FMNL2: variants seen among roughly 807,000 people sequenced by gnomAD.
The protein encoded by FMNL2 is formin like 2.
A neutral mutation model predicts 130.2 loss-of-function variants in FMNL2; 51 were observed. That is an observed-to-expected ratio of 0.39 (90% confidence interval 0.31 to 0.49). The LOEUF is 0.49. Ranked by LOEUF, FMNL2 falls within the 20% of genes least tolerant of loss-of-function variation. The pLI, the probability that FMNL2 is intolerant of heterozygous loss-of-function variation, is 0.85. For missense variants in FMNL2, 977 were observed against 1,316.2 expected (o/e 0.74, Z 3.99); for synonymous variants, 465 against 467.1 (o/e 1.00, Z 0.06).
intron 1 of FMNL2, among the ~76,000 whole-genome samples, chr2:152,488,057 G>A (rs878873804): frequency 6.6e-6 from 1 of 152,180 alleles, no homozygotes; most frequent in East Asian, 1.9e-4. Context: ...TGGGATTACA[G>A]GTGTGAGCCA....
In FMNL2 at chr2:152,417,511, G is replaced by A. The variant is rs370395847; in HGVS notation, c.117+81791G>A. Among the ~76,000 whole-genome samples the A allele has an allele frequency of 3.0e-4, 45 of 152,314 alleles. No individual in the cohort carries two copies. In the South Asian group the frequency reaches 9.3e-3, roughly 32 times the overall value. ...CAGGAAATAGTCTAGGGCATTGCAA[G>A]GTTGGATTTGCTTACATTGAGGTGT... On this transcript the variant is annotated intron_variant, in intron 1 of 25. Transcript: ENST00000288670.
intron 1 of FMNL2, among the ~76,000 whole-genome samples, chr2:152,347,303 G>A (rs554773024): frequency 6.6e-6 from 1 of 152,222 alleles, no homozygotes; most frequent in South Asian, 2.1e-4. Flanking sequence ...CTTGTGGTCT[G>A]ACTCCAAGTG....
At chr2:152,433,306 GC>G (rs1226532379) in intron 1 of FMNL2, among the ~76,000 whole-genome samples, 4 of 152,188 alleles carry the variant, frequency 2.6e-5, no homozygotes, top group Non-Finnish European at 1.5e-5. Context: ...ATAACAGTAT[GC>G]AAGAGTGTAG....
chr2:152,627,442 A>C (rs1465975126), intron 17 of FMNL2, among the ~76,000 whole-genome samples: 5 of 152,200 alleles, frequency 3.3e-5, no homozygotes, highest in African/African-American at 7.2e-5. Flanking sequence ...TAAATTGATT[A>C]TCTTATACAT....
intron 2 of FMNL2, among the ~76,000 whole-genome samples, chr2:152,534,296 A>C (rs1369008423): frequency 6.6e-6 from 1 of 152,126 alleles, no homozygotes; most frequent in Non-Finnish European, 1.5e-5. Flanking sequence ...TTAAAGTTTC[A>C]CTGACAATAA....
Position 152,335,526 on chromosome 2 carries a change from G to T in FMNL2, c.-78G>T. Reference sequence around the variant, plus strand: ...CAGGTCGCGCCTGCGGGCGGCAGCCGACCGCCGGGAGCTGTTCTGATTTCC... The same window carrying T: ...CAGGTCGCGCCTGCGGGCGGCAGCCTACCGCCGGGAGCTGTTCTGATTTCC... On this transcript the variant is annotated 5_prime_UTR_variant, in exon 1 of 26. Transcript: ENST00000288670. 1 of 1,222,378 alleles carries T rather than the reference G, an allele frequency of 8.2e-7. No individual in the cohort carries two copies. Among genetic ancestry groups the T allele is most frequent in the South Asian group, 1.5e-5 (1 of 66,370 alleles). 75.7% of individuals were successfully genotyped at this position (1,222,378 alleles called of 1,614,324 possible). A position where few individuals can be genotyped will look rare whatever the true frequency, so the allele number is the denominator to read the frequency against.
At chr2:152,474,510 C>T (rs1414023303) in intron 1 of FMNL2, among the ~76,000 whole-genome samples, 1 of 152,002 alleles carries the variant, frequency 6.6e-6, no homozygotes, top group Non-Finnish European at 1.5e-5. Context: ...CACAGTGAAA[C>T]CTCATCTCTA....
At chr2:152,623,780 T>C (rs1681543571) in intron 15 of FMNL2, among the ~76,000 whole-genome samples, 1 of 152,130 alleles carries the variant, frequency 6.6e-6, no homozygotes, top group Admixed American at 6.5e-5. Context: ...AAGACTTCTT[T>C]ATGATATATA....
At chr2:152,429,292 C>A (rs1451542400) in intron 1 of FMNL2, among the ~76,000 whole-genome samples, 1 of 151,638 alleles carries the variant, frequency 6.6e-6, no homozygotes, top group Non-Finnish European at 1.5e-5. Flanking sequence ...TGTGTCCATG[C>A]AGAGCTGTCC....
At chr2:152,553,579 TTTAAC>T (rs1439530611) in intron 4 of FMNL2, among the ~76,000 whole-genome samples, 2 of 151,816 alleles carry the variant, frequency 1.3e-5, no homozygotes, top group Non-Finnish European at 2.9e-5. Flanking sequence ...CCTTTATACT[TTTAAC>T]TTATTTTTGA....
intron 6 of FMNL2, among the ~76,000 whole-genome samples, chr2:152,572,283 T>C (rs900381300): frequency 6.6e-6 from 1 of 152,208 alleles, no homozygotes; most frequent in Non-Finnish European, 1.5e-5. Context: ...CTAGACCATC[T>C]CAGTAATGTT....
rs533549272 is a variant in FMNL2 at position 152,493,427 on chromosome 2, C to T, written c.118-28516C>T. ...CTATGGAAGGGCACAAATCAAGGTG[C>T]TGTTAATATGAGCGGTGTTGTAGTT... On this transcript the variant is annotated intron_variant, in intron 1 of 25. Transcript: ENST00000288670. 2.0e-5 allele frequency among the ~76,000 whole-genome samples: 3 copies of T among 152,282 alleles called. No individual in the cohort carries two copies. In the East Asian group the frequency reaches 5.8e-4, roughly 29 times the overall value.
chr2:152,516,570 A>G (rs191786509), intron 1 of FMNL2, among the ~76,000 whole-genome samples: 8 of 152,320 alleles, frequency 5.3e-5, no homozygotes, highest in Middle Eastern at 3.4e-3. Context: ...GGACAAAGAT[A>G]TATTACATAA....
Position 152,584,574 on chromosome 2 carries a change from C to T in FMNL2, c.876+3525C>T, listed in dbSNP as rs118006647. On this transcript the variant is annotated intron_variant, in intron 9 of 25. Transcript: ENST00000288670. ...GTTAGAGCATAGCCAAGCGTACTAA[C>T]GCAATATGGAACCAGATGCTAGAAA... Among the ~76,000 whole-genome samples the T allele has an allele frequency of 2.0e-4, 30 of 152,268 alleles. No homozygotes were observed. The East Asian group carries it at 3.1e-3, about 16-fold the overall frequency.
intron 1 of FMNL2, among the ~76,000 whole-genome samples, chr2:152,397,462 C>T (rs549992369): frequency 2.0e-5 from 3 of 152,072 alleles, no homozygotes; most frequent in Admixed American, 6.5e-5. Context: ...GAATAAAAAA[C>T]GTCAAAAGAG....
rs10538950 is a variant in FMNL2, at chr2:152,387,820, A to AT, written c.117+52114dup. Among the ~76,000 whole-genome samples the AT allele has an allele frequency of 7.8e-3, 1,144 of 146,310 alleles. 14 individuals carry two copies. Among genetic ancestry groups the AT allele is most frequent in the African/African-American group, 0.022 (854 of 39,682 alleles). On this transcript the variant is annotated intron_variant, in intron 1 of 25. Coordinates refer to ENST00000288670, the MANE Select transcript of FMNL2 (RefSeq NM_052905.4). Reference sequence around the variant, plus strand: ...TCACACCTGGCTAATTAAAAAAAAAATTTTTTTTTTTTTTGTAGAGGTGGT... The same window carrying AT: ...TCACACCTGGCTAATTAAAAAAAAAATTTTTTTTTTTTTTTGTAGAGGTGGT...
chr2:152,511,310 C>T (rs550401978), intron 1 of FMNL2, among the ~76,000 whole-genome samples: 30 of 152,152 alleles, frequency 2.0e-4, no homozygotes, highest in African/African-American at 6.8e-4. Context: ...ATCTTCCCAT[C>T]GCAAGGTTCT....
intron 1 of FMNL2, among the ~76,000 whole-genome samples, chr2:152,486,545 CAA>C (rs1298648300): frequency 6.6e-6 from 1 of 152,228 alleles, no homozygotes; most frequent in Non-Finnish European, 1.5e-5. Flanking sequence ...TTCCTTTTCT[CAA>C]CCCTTCTTAT....
chr2:152,531,788 A>G lies in FMNL2; in HGVS notation c.201+9762A>G, dbSNP rs557584757. 1.2e-4 allele frequency among the ~76,000 whole-genome samples: 18 copies of G among 152,314 alleles called. No individual in the cohort carries two copies. The East Asian group carries it at 3.1e-3, about 26-fold the overall frequency. On this transcript the variant is annotated intron_variant, in intron 2 of 25. Transcript: ENST00000288670. ...GATATAAGATCTAAGGGGAAGGCAT[A>G]CAGTGGGATCACTGGAGCCTGGGTT...
Sources: gnomAD v4.1 joint callset for allele counts (sites outside exome capture counted in the v4.1 genomes callset) on GRCh38, gnomAD v4.1.1 for gene constraint, MANE v1.5 for transcripts, NCBI Gene and HGNC (gene_info 2026-07-23, HGNC 2026-07-21) for gene names.